The following CSN1S1 variants were observed in gnomAD, a reference collection of about 807,000 sequenced individuals.
CSN1S1 encodes the protein casein alpha s1.
CSN1S1 carries 63 observed loss-of-function variants against 49.1 expected under a neutral mutation model. That is an observed-to-expected ratio of 1.28 (90% CI 1.05 to 1.58). The LOEUF is 1.58. Among genes scored for constraint, CSN1S1 ranks in the 40% most tolerant of loss-of-function variants. The probability of loss-of-function intolerance (pLI) is 0.00; values close to 1 mark genes in which losing one functional copy is unlikely to be tolerated. For synonymous variants in CSN1S1, 78 were observed against 67.1 expected, an observed-to-expected ratio of 1.16 and a Z score of -0.79; for missense variants, 260 against 224.7, an observed-to-expected ratio of 1.16 and a Z score of -1.01.
At chr4:69,941,548 T>C (rs1722967585) in intron 12 of CSN1S1, among the ~76,000 whole-genome samples, 1 of 151,908 alleles carries the variant, frequency 6.6e-6, no homozygotes, top group Admixed American at 6.6e-5. Context: ...TAAAAGTCTT[T>C]CTTTTGGGAG....
intron 1 of CSN1S1, among the ~76,000 whole-genome samples, chr4:69,931,779 A>AT (rs1364823704): frequency 6.6e-6 from 1 of 151,540 alleles, no homozygotes; most frequent in African/African-American, 2.4e-5. Context: ...GTGTGACCTG[A>AT]TTTTTTTTCT....
rs917936050 is a variant in CSN1S1 at position 69,945,087 on chromosome 4, G to A, written c.557+83G>A. ...GCTTGGAGAGGATACCATAAGAACA[G>A]ATTTAGATTAAACATGGCAAATCAA... On this transcript the variant is annotated intron_variant, in intron 15 of 15. Coordinates refer to ENST00000246891, the MANE Select transcript of CSN1S1 (RefSeq NM_001890.2). 2.8e-6 allele frequency: 4 copies of A among 1,439,414 alleles called. No individual in the cohort carries two copies. The Admixed American group carries it at 7.4e-5, about 27-fold the overall frequency. 89.2% of individuals were successfully genotyped at this position (1,439,414 alleles called of 1,614,324 possible).
At chr4:69,937,236 T>A in intron 8 of CSN1S1, 92 bp downstream of exon 8, 1 of 935,516 alleles carries the variant, frequency 1.1e-6, no homozygotes, top group Non-Finnish European at 1.6e-6. Context: ...AAATAAAAAC[T>A]ATGGCAGATA....
At position 69,937,334 on chromosome 4, in the gene CSN1S1, A is replaced by G. The variant is rs1054996830; in HGVS notation, c.219+190A>G. 2.0e-5 allele frequency among the ~76,000 whole-genome samples: 3 copies of G among 150,006 alleles called. No homozygotes were observed. In the East Asian group the frequency reaches 5.9e-4, roughly 29 times the overall value. On this transcript the variant is annotated intron_variant, in intron 8 of 15. Coordinates refer to ENST00000246891, the MANE Select transcript of CSN1S1 (RefSeq NM_001890.2). Reference sequence around the variant, plus strand: ...CACAAATATTTTAAATTTAAATTCTATGGATAATGTCACTGATCTCTGTAT... The same window carrying G: ...CACAAATATTTTAAATTTAAATTCTGTGGATAATGTCACTGATCTCTGTAT...
chr4:69,942,332 A>G (rs1017941851), intron 13 of CSN1S1, among the ~76,000 whole-genome samples: 1 of 151,992 alleles, frequency 6.6e-6, no homozygotes, highest in Admixed American at 6.6e-5. Flanking sequence ...TTTCCAAACT[A>G]TAGTGAGCTT....
At chr4:69,935,081 G>C (rs1159687607) in intron 4 of CSN1S1, among the ~76,000 whole-genome samples, 1 of 151,756 alleles carries the variant, frequency 6.6e-6, no homozygotes, top group African/African-American at 2.4e-5. Flanking sequence ...AGAATAATGT[G>C]GTTTTTTGGT....
intron 11 of CSN1S1, 29 bp downstream of exon 11, chr4:69,940,073 T>C: frequency 1.7e-6 from 2 of 1,174,634 alleles, no homozygotes; most frequent in Non-Finnish European, 2.4e-6. Context: ...ATTTAAAATA[T>C]ATTAATATTT....
At chr4:69,932,246 A>G (rs948614176) in intron 1 of CSN1S1, among the ~76,000 whole-genome samples, 2 of 151,900 alleles carry the variant, frequency 1.3e-5, no homozygotes, top group Non-Finnish European at 2.9e-5. Flanking sequence ...TCTCTAAGCC[A>G]TATTATTACA....
Position 69,934,677 on chromosome 4 carries a change from T to C in CSN1S1, c.85-13T>C, listed in dbSNP as rs764571877. ...TTGGAATAATACCATTTAAAAATTA[T>C]TATTTTTTACAGAATCCATCAGAGA... On this transcript the variant is annotated splice_polypyrimidine_tract_variant and intron_variant, in intron 3 of 15. Transcript: ENST00000246891. 46 of 1,603,914 alleles carry C rather than the reference T, an allele frequency of 2.9e-5. No homozygotes were observed. The highest frequency in any genetic ancestry group is 6.8e-6 in the Non-Finnish European group (8 of 1,171,918).
intron 2 of CSN1S1, among the ~76,000 whole-genome samples, chr4:69,933,105 A>G (rs903927391): frequency 6.6e-6 from 1 of 151,722 alleles, no homozygotes; most frequent in African/African-American, 2.4e-5. Context: ...AAGAAGGGAT[A>G]GAAAACTAGG....
At chr4:69,940,133 A>T in intron 11 of CSN1S1, 89 bp downstream of exon 11, 1 of 534,870 alleles carries the variant, frequency 1.9e-6, no homozygotes, top group Non-Finnish European at 3.1e-6. Context: ...ACACACACAC[A>T]CACACACACA....
At chr4:69,938,233 G>A (rs957624252) in intron 9 of CSN1S1, among the ~76,000 whole-genome samples, 1 of 151,766 alleles carries the variant, frequency 6.6e-6, no homozygotes, top group Admixed American at 6.6e-5. Context: ...GTGCATGTAT[G>A]TATGTAAGAT....
chr4:69,945,138 T>A (rs1723122223), intron 15 of CSN1S1, 134 bp downstream of exon 15: 1 of 899,036 alleles, frequency 1.1e-6, no homozygotes, highest in Admixed American at 2.8e-5. Flanking sequence ...ACTAATATGT[T>A]CTGAAATGGA....
intron 2 of CSN1S1, among the ~76,000 whole-genome samples, chr4:69,933,073 T>G (rs1047121639): frequency 2.0e-5 from 3 of 151,742 alleles, no homozygotes; most frequent in Non-Finnish European, 4.4e-5. Flanking sequence ...TTGAGATGGC[T>G]TGTGTCAACT....
At chr4:69,939,774 A>G (rs1183206205) in intron 10 of CSN1S1, among the ~76,000 whole-genome samples, 2 of 151,790 alleles carry the variant, frequency 1.3e-5, no homozygotes, top group Non-Finnish European at 2.9e-5. Flanking sequence ...ATTGAATAAA[A>G]ATCATTACTT....
chr4:69,932,275 G>A (rs767633553), intron 1 of CSN1S1, among the ~76,000 whole-genome samples: 3 of 151,676 alleles, frequency 2.0e-5, no homozygotes, highest in Non-Finnish European at 2.9e-5. Context: ...AAAATGTTAT[G>A]TTTTAAAGTG....
chr4:69,935,780 A>G, intron 4 of CSN1S1, 146 bp from the exon 5 acceptor site: 1 of 646,380 alleles, frequency 1.5e-6, no homozygotes, highest in Non-Finnish European at 2.8e-6. Flanking sequence ...TTAACTATAA[A>G]TAATACATAT....
rs1486708611 is a variant in CSN1S1 at position 69,937,128 on chromosome 4, G to A, written c.203G>A (p.Arg68Lys). The A allele has an allele frequency of 6.5e-7, 1 of 1,541,134 alleles. No individual in the cohort carries two copies. Among genetic ancestry groups the A allele is most frequent in the Non-Finnish European group, 8.8e-7 (1 of 1,141,814 alleles). ...EKQTDEIKDTRNESTQNCVVA... is the reference protein window; with the variant it reads ...EKQTDEIKDTKNESTQNCVVA... Reference sequence around the variant, plus strand: ...GATTGACTGTCTTGGCAGGATACTAGGAATGAGTCTACTCAGGTGAGACCC... The same window carrying A: ...GATTGACTGTCTTGGCAGGATACTAAGAATGAGTCTACTCAGGTGAGACCC... The change falls in exon 8 of 16, where the codon AGG becomes AAG. Residue 68 changes from arginine (R) to lysine (K), a missense_variant. By Grantham distance (26) the Arg-to-Lys change is conservative. Transcript: ENST00000246891.
chr4:69,938,521 A>G (rs1722872702), intron 9 of CSN1S1, among the ~76,000 whole-genome samples: 1 of 151,654 alleles, frequency 6.6e-6, no homozygotes, highest in Non-Finnish European at 1.5e-5. Context: ...CTACTCTACA[A>G]TTATATTTTT....
Sources: allele counts gnomAD v4.1 joint callset (sites outside exome capture counted in the v4.1 genomes callset), GRCh38; gene constraint gnomAD v4.1.1; transcripts MANE v1.5; gene names NCBI Gene and HGNC (gene_info 2026-07-23, HGNC 2026-07-21).